SLC12A7: variants seen among roughly 807,000 people sequenced by gnomAD.
SLC12A7 encodes K-Cl cotransporter 4.
In SLC12A7, 100 loss-of-function variants were observed where a neutral mutation model predicts 120.6. The ratio of observed to expected loss-of-function variants is 0.83; its 90% CI spans 0.71 to 0.98. SLC12A7 has a LOEUF of 0.98. SLC12A7 is among the 50% of genes least tolerant of loss of function. SLC12A7 has a pLI of 0.00. For synonymous variants in SLC12A7, 760 were observed against 678.0 expected, an observed-to-expected ratio of 1.12 and a Z score of -1.88; for missense variants, 1,373 against 1,548.1, an observed-to-expected ratio of 0.89 and a Z score of 1.90.
At chr5:1,123,670 C>A in the SLC12A7 span, among the ~76,000 whole-genome samples, 1 of 152,246 alleles carries the variant, frequency 6.6e-6, no homozygotes, top group African/African-American at 2.4e-5. Context: ...CTCTGAGTGT[C>A]CTGGTCTTGG....
intron 1 of SLC12A7, among the ~76,000 whole-genome samples, chr5:1,095,013 AGGTGGG>A (rs1740956198): frequency 1.6e-5 from 1 of 61,364 alleles, no homozygotes. Flanking sequence ...GGTCGGTAGG[AGGTGGG>A]GGCGGTAGGA....
At chr5:1,087,158 C>T (rs763845199) in intron 5 of SLC12A7, 125 bp from the exon 6 acceptor site, 20 of 1,261,406 alleles carry the variant, frequency 1.6e-5, no homozygotes, top group South Asian at 1.1e-4. Flanking sequence ...TGTAGACCCT[C>T]GTCCACCCGC....
chr5:1,057,257 C>T (rs1425166014), intron 22 of SLC12A7: 5 of 537,146 alleles, frequency 9.3e-6, no homozygotes, highest in Non-Finnish European at 1.6e-5. Context: ...AAGGATCCCT[C>T]AGCGCCCGGC....
In SLC12A7 at chr5:1,052,145, C is replaced by T. The variant is rs1295767038; in HGVS notation, c.*215G>A. ...CTGCCCTCAGATGCAAGGAAATCGT[C>T]CAGCCACGCCCTGATTTGCTGAGCC... On this transcript the variant is annotated 3_prime_UTR_variant, in exon 24 of 24. Coordinates refer to ENST00000264930, the MANE Select transcript of SLC12A7 (RefSeq NM_006598.3). 2 of 581,298 alleles carry T rather than the reference C, an allele frequency of 3.4e-6. No homozygotes were observed. The highest frequency in any genetic ancestry group is 6.1e-6 in the Non-Finnish European group (2 of 325,630). 36.0% of individuals were successfully genotyped at this position (581,298 alleles called of 1,614,324 possible). A position where few individuals can be genotyped will look rare whatever the true frequency, so the allele number is the denominator to read the frequency against.
chr5:1,119,117 C>T, the SLC12A7 span, among the ~76,000 whole-genome samples: 1 of 152,248 alleles, frequency 6.6e-6, no homozygotes, highest in African/African-American at 2.4e-5. Flanking sequence ...AGAGCCGACA[C>T]AGGCAGGGGC....
chr5:1,051,082 C>G lies in SLC12A7; in HGVS notation c.*1278G>C. ...AATATGCCACATAGAAAGGGAGGCC[C>G]AAGTCGGTGCCACTGCCCGCAGCCT... On this transcript the variant is annotated 3_prime_UTR_variant, in exon 24 of 24. Transcript: ENST00000264930. 2.5e-6 allele frequency: 1 copy of G among 396,886 alleles called. No homozygotes were observed. The allele number at this position is 396,886 out of a possible 1,614,324, so 24.6% of individuals were successfully genotyped here.
In SLC12A7 at chr5:1,064,161, C is replaced by G. The variant is rs1416579604; in HGVS notation, c.2529G>C (p.Gly843=). 3 of 1,612,156 alleles carry G rather than the reference C, an allele frequency of 1.9e-6. No individual in the cohort carries two copies. Among genetic ancestry groups the G allele is most frequent in the Non-Finnish European group, 2.5e-6 (3 of 1,179,628 alleles). The stretch of plus-strand genomic sequence containing the variant: ...CGATCCACCACACGTCGATGTGGCC[C>G]CCGCCGAAGCGCTCCTGGTTTTGCG... ...SFPQNQERFG[G]GHIDVWWIVH... The change falls in exon 19 of 24, where the codon GGG becomes GGC. Residue 843 remains glycine (G), a synonymous_variant. Coordinates refer to ENST00000264930, the MANE Select transcript of SLC12A7 (RefSeq NM_006598.3).
At chr5:1,104,544 C>T (rs915713140) in intron 1 of SLC12A7, among the ~76,000 whole-genome samples, 35 of 152,286 alleles carry the variant, frequency 2.3e-4, no homozygotes, top group African/African-American at 7.7e-4. Flanking sequence ...GGTCCCAGCC[C>T]CCAAACTTCC....
At chr5:1,137,986 T>A in the SLC12A7 span, among the ~76,000 whole-genome samples, 2 of 152,110 alleles carry the variant, frequency 1.3e-5, no homozygotes, top group East Asian at 3.9e-4. Flanking sequence ...GGTTCCTGAG[T>A]GACCCTGGAG....
intron 1 of SLC12A7, among the ~76,000 whole-genome samples, chr5:1,111,050 G>A (rs1742962054): frequency 6.6e-6 from 1 of 152,216 alleles, no homozygotes; most frequent in Non-Finnish European, 1.5e-5. Flanking sequence ...ATGAGACCCG[G>A]GCACATGCGG....
the SLC12A7 span, among the ~76,000 whole-genome samples, chr5:1,153,565 G>A: frequency 6.6e-6 from 1 of 152,206 alleles, no homozygotes; most frequent in Non-Finnish European, 1.5e-5. Context: ...GTCCATGCCT[G>A]GGGTGCTGGC....
chr5:1,081,536 GAGAA>G, intron 9 of SLC12A7, 37 bp downstream of exon 9: 2 of 1,576,938 alleles, frequency 1.3e-6, no homozygotes, highest in Non-Finnish European at 1.7e-6. Context: ...AAGAGAGGGA[GAGAA>G]AGAAAGAGAA....
At chr5:1,152,504 A>G in the SLC12A7 span, among the ~76,000 whole-genome samples, 4 of 152,198 alleles carry the variant, frequency 2.6e-5, no homozygotes, top group African/African-American at 9.7e-5. Flanking sequence ...TGGCATGTTT[A>G]CATCCTGTGG....
intron 23 of SLC12A7, among the ~76,000 whole-genome samples, chr5:1,052,990 C>T (rs1019562092): frequency 6.6e-6 from 1 of 152,236 alleles, no homozygotes; most frequent in Non-Finnish European, 1.5e-5. Context: ...CACCTCCCAC[C>T]GTTGTCGGCG....
At chr5:1,093,354 C>T (rs1419926772) in intron 3 of SLC12A7, among the ~76,000 whole-genome samples, 179 bp downstream of exon 3, 3 of 152,190 alleles carry the variant, frequency 2.0e-5, no homozygotes, top group African/African-American at 7.2e-5. Flanking sequence ...GGGAAGAGGC[C>T]TGGACAGGAG....
chr5:1,060,431 A>G lies in SLC12A7; in HGVS notation c.2760T>C (p.Ala920=), dbSNP rs200649949. Residue 920 remains alanine (A), a synonymous_variant, in exon 21 of 24, where the codon GCT becomes GCC. Transcript: ENST00000264930. ...VVEMVENDIS[A]FTYERTLMME... Reference sequence around the variant, plus strand: ...TCATTAGTGTCCTCTCGTAGGTGAAAGCAGATATGTCGTTTTCAACCTAGA... The same window carrying G: ...TCATTAGTGTCCTCTCGTAGGTGAAGGCAGATATGTCGTTTTCAACCTAGA... 6.2e-7 allele frequency: 1 copy of G among 1,613,478 alleles called. No homozygotes were observed. Among genetic ancestry groups the G allele is most frequent in the Non-Finnish European group, 8.5e-7 (1 of 1,179,858 alleles).
Position 1,052,328 on chromosome 5 carries a change from C to T in SLC12A7, c.*32G>A, listed in dbSNP as rs764997044. 2 of 1,585,360 alleles carry T rather than the reference C, an allele frequency of 1.3e-6. No individual in the cohort carries two copies. Among genetic ancestry groups the T allele is most frequent in the Non-Finnish European group, 8.7e-7 (1 of 1,155,150 alleles). ...CAGGCTGCCCACGCCGTCCTCCGTG[C>T]CTGTCCCAGAGTGCCGTGATGCTGT... On this transcript the variant is annotated 3_prime_UTR_variant, in exon 24 of 24. Coordinates refer to ENST00000264930, the MANE Select transcript of SLC12A7 (RefSeq NM_006598.3).
chr5:1,056,978 C>T (rs1429114134), intron 22 of SLC12A7, among the ~76,000 whole-genome samples: 2 of 152,252 alleles, frequency 1.3e-5, no homozygotes, highest in Non-Finnish European at 2.9e-5. Flanking sequence ...CACAAGCCTC[C>T]TCGCCTCCAT....
intron 1 of SLC12A7, among the ~76,000 whole-genome samples, chr5:1,109,662 CCT>C (rs1455855265): frequency 6.6e-6 from 1 of 151,530 alleles, no homozygotes; most frequent in Non-Finnish European, 1.5e-5. Flanking sequence ...AGCATCTACC[CCT>C]CTTTCCCCAG....
Sources: allele counts gnomAD v4.1 joint callset (sites outside exome capture counted in the v4.1 genomes callset), GRCh38; gene constraint gnomAD v4.1.1; transcripts MANE v1.5; gene names NCBI Gene and HGNC (gene_info 2026-07-23, HGNC 2026-07-21).